The following ARHGEF10L variants were observed in gnomAD, a reference collection of about 807,000 sequenced individuals.
ARHGEF10L encodes the protein Rho guanine nucleotide exchange factor 10 like, also known as rho guanine nucleotide exchange factor 10-like protein.
In ARHGEF10L, 69 loss-of-function variants were observed where a neutral mutation model predicts 141.2. That is an observed-to-expected ratio of 0.49 (90% confidence interval 0.40 to 0.60). ARHGEF10L has a LOEUF of 0.60. Among genes scored for constraint, ARHGEF10L ranks in the 20% least tolerant of loss-of-function variants. ARHGEF10L has a pLI of 0.00. For missense variants in ARHGEF10L, 1,482 were observed against 1,734.3 expected (o/e 0.85, Z 2.58); for synonymous variants, 711 against 718.5 (o/e 0.99, Z 0.17).
At chr1:17,580,686 T>TG in intron 2 of ARHGEF10L, 54 bp downstream of exon 2, 1 of 1,609,770 alleles carries the variant, frequency 6.2e-7, no homozygotes, top group Non-Finnish European at 8.5e-7. Flanking sequence ...AGGGGGCCGC[T>TG]GGGGGCCGGC....
At chr1:17,557,366 CA>C (rs1015177054) in intron 1 of ARHGEF10L, among the ~76,000 whole-genome samples, 1 of 149,146 alleles carries the variant, frequency 6.7e-6, no homozygotes, top group Non-Finnish European at 1.5e-5. Flanking sequence ...CAAAAAAAAC[CA>C]AAAAAAACAA....
rs142084723 is a variant in ARHGEF10L, at chr1:17,623,118, C to T, written c.1143C>T (p.Ser381=). 3.1e-6 allele frequency: 5 copies of T among 1,614,206 alleles called. No homozygotes were observed. Among genetic ancestry groups the T allele is most frequent in the Non-Finnish European group, 4.2e-6 (5 of 1,180,026 alleles). ...ACTCCATGTTCCAGATCGCCCTGTC[C>T]TCCCGCGTGGCTGAGTGGGATTCCA... ...HCHSMFQIAL[S]SRVAEWDSTE... The change falls in exon 12 of 29, where the codon TCC becomes TCT. Residue 381 remains serine, a synonymous_variant. Transcript: ENST00000361221. The surrounding 1 kb of genome is among the most constrained non-coding windows in gnomAD (Gnocchi z 4.7).
At chr1:17,610,757 G>T (rs1218910045) in intron 7 of ARHGEF10L, among the ~76,000 whole-genome samples, 1 of 152,212 alleles carries the variant, frequency 6.6e-6, no homozygotes, top group East Asian at 1.9e-4. Context: ...CCATGGCCAG[G>T]CACCCTGCCC....
In ARHGEF10L at chr1:17,623,241, C is replaced by T. The variant is rs2060202961; in HGVS notation, c.1200+66C>T. 1 of 1,548,476 alleles carries T rather than the reference C, an allele frequency of 6.5e-7. No individual in the cohort carries two copies. Among genetic ancestry groups the T allele is most frequent in the Admixed American group, 1.8e-5 (1 of 54,702 alleles). ...AACCACAACCAGTCTGACCCCGGGG[C>T]CATGCAGTCCAGCCTCCTGCCTCTG... On this transcript the variant is annotated intron_variant, in intron 12 of 28. Transcript: ENST00000361221. This position sits in a 1 kb window ranked among gnomAD's most constrained non-coding sequence, Gnocchi z 4.7.
At chr1:17,617,840 C>T (rs768568063) in intron 9 of ARHGEF10L, among the ~76,000 whole-genome samples, 4 of 152,148 alleles carry the variant, frequency 2.6e-5, no homozygotes, top group African/African-American at 4.8e-5. Context: ...TCTTGGTGGG[C>T]GGTCAGTCCC....
intron 4 of ARHGEF10L, among the ~76,000 whole-genome samples, chr1:17,599,321 G>C (rs569023875): frequency 6.7e-6 from 1 of 148,382 alleles, no homozygotes; most frequent in East Asian, 2.0e-4. Context: ...GGGTGACCAA[G>C]TGAGACTGTC....
At chr1:17,620,075 C>T (rs191524528) in intron 10 of ARHGEF10L, among the ~76,000 whole-genome samples, 21 of 152,146 alleles carry the variant, frequency 1.4e-4, no homozygotes, top group African/African-American at 3.1e-4. Context: ...TGGTGGTACA[C>T]GCTTGTAGTC....
intron 7 of ARHGEF10L, among the ~76,000 whole-genome samples, chr1:17,610,015 G>A (rs528898463): frequency 5.0e-4 from 76 of 152,282 alleles, no homozygotes; most frequent in African/African-American, 1.8e-3. Context: ...AGCCTCTGGC[G>A]TTCCTCCTCC....
At chr1:17,645,101 CA>C (rs565672025) in intron 21 of ARHGEF10L, among the ~76,000 whole-genome samples, 2 of 152,256 alleles carry the variant, frequency 1.3e-5, no homozygotes, top group South Asian at 2.1e-4. Context: ...CTCTCATGCC[CA>C]GGGGGTGTTG....
In ARHGEF10L at chr1:17,687,586, C is replaced by G; in HGVS notation, c.3023C>G (p.Ala1008Gly). The change falls in exon 27 of 29, where the codon GCG becomes GGG. Residue 1008 changes from alanine (A) to glycine (G), a missense_variant. By Grantham distance (60) the Ala-to-Gly change is moderately conservative. This residue lies in a region of ARHGEF10L where 858 missense variants were observed against 966.3 expected (regional missense o/e 0.89). Coordinates refer to ENST00000361221, the MANE Select transcript of ARHGEF10L (RefSeq NM_018125.4). Reference protein sequence around the residue: ...TTLQPQQSFEAHQDEAVSVTH... With the variant: ...TTLQPQQSFEGHQDEAVSVTH... ...TTTGTGCCACAGCAAAGCTTCGAGG[C>G]GCACCAGGACGAGGCAGTGAGCGTG... is the stretch of plus-strand genomic sequence containing the variant. The G allele has an allele frequency of 1.2e-6, 2 of 1,612,964 alleles. No individual in the cohort carries two copies. Among genetic ancestry groups the G allele is most frequent in the Non-Finnish European group, 1.7e-6 (2 of 1,179,922 alleles).
chr1:17,554,957 C>T (rs2077252177), intron 1 of ARHGEF10L, among the ~76,000 whole-genome samples: 1 of 152,160 alleles, frequency 6.6e-6, no homozygotes, highest in Non-Finnish European at 1.5e-5. Flanking sequence ...TTTCTCCAAT[C>T]AGGAGAACAA....
the ARHGEF10L span, among the ~76,000 whole-genome samples, chr1:17,531,444 G>A: frequency 2.6e-5 from 4 of 152,310 alleles, no homozygotes; most frequent in East Asian, 1.9e-4. Flanking sequence ...AAGCTTATCC[G>A]AAGGTCACAT....
rs954942878 is a variant in ARHGEF10L, at chr1:17,558,792, C to T, written c.-44+18842C>T. On this transcript the variant is annotated intron_variant, in intron 1 of 28. Coordinates refer to ENST00000361221, the MANE Select transcript of ARHGEF10L (RefSeq NM_018125.4). The surrounding 1 kb of genome is among the most constrained non-coding windows in gnomAD (Gnocchi z 4.2). ...CAGAAAGGATGCCCTGTGAACCTCA[C>T]TGAGGAGCTGTGGCTCTGTGGGGCC... 5.9e-5 allele frequency among the ~76,000 whole-genome samples: 9 copies of T among 152,184 alleles called. No homozygotes were observed. The highest frequency in any genetic ancestry group is 5.9e-4 in the Admixed American group (9 of 15,276).
intron 26 of ARHGEF10L, among the ~76,000 whole-genome samples, chr1:17,682,764 G>T (rs1315580778): frequency 6.6e-6 from 1 of 152,086 alleles, no homozygotes; most frequent in Non-Finnish European, 1.5e-5. Context: ...CCTTTTTCAG[G>T]GATAAGGGGG....
chr1:17,563,896 T>C (rs2077642292), intron 1 of ARHGEF10L, among the ~76,000 whole-genome samples: 1 of 152,076 alleles, frequency 6.6e-6, no homozygotes, highest in Admixed American at 6.6e-5. Flanking sequence ...TGAGAGCGTC[T>C]GATTGTGGGA....
upstream of ARHGEF10L, among the ~76,000 whole-genome samples, chr1:17,535,400 C>A (rs2100557378): frequency 6.6e-6 from 1 of 152,332 alleles, no homozygotes; most frequent in Middle Eastern, 3.4e-3. Context: ...AGGCCACAGC[C>A]TGGTTCTGAT....
At chr1:17,555,368 C>CTT (rs377163805) in intron 1 of ARHGEF10L, among the ~76,000 whole-genome samples, 2,539 of 144,028 alleles carry the variant, frequency 0.018, 69 homozygotes, top group African/African-American at 0.06. Flanking sequence ...GTTTAAACTA[C>CTT]TTTTTTTTTT....
intron 25 of ARHGEF10L, 147 bp from the exon 26 acceptor site, chr1:17,664,300 A>C (rs2062830115): frequency 1.1e-6 from 1 of 892,800 alleles, no homozygotes. Flanking sequence ...GGGGACAGCC[A>C]CCACCCAGCT....
At position 17,619,237 on chromosome 1, in the gene ARHGEF10L, C is replaced by T; in HGVS notation, c.836-102C>T. On this transcript the variant is annotated intron_variant, in intron 9 of 28. Coordinates refer to ENST00000361221, the MANE Select transcript of ARHGEF10L (RefSeq NM_018125.4). The surrounding 1 kb of genome is among the most constrained non-coding windows in gnomAD (Gnocchi z 5.0). ...CCCAGGAGCTGCTTGCACCCTAGGA[C>T]CTGGGTCCAAGGCTGGTCTAGGGGG... 8.5e-7 allele frequency: 1 copy of T among 1,179,794 alleles called. No homozygotes were observed. The highest frequency in any genetic ancestry group is 2.2e-5 in the Admixed American group (1 of 44,532). The allele number at this position is 1,179,794 out of a possible 1,614,324, so 73.1% of individuals were successfully genotyped here.
Sources: allele counts gnomAD v4.1 joint callset (sites outside exome capture counted in the v4.1 genomes callset), GRCh38; gene constraint gnomAD v4.1.1; regional missense constraint gnomAD v4.1.1; non-coding constraint Gnocchi (gnomAD v3.1); transcripts MANE v1.5; gene names NCBI Gene and HGNC (gene_info 2026-07-23, HGNC 2026-07-21).